The following TACC1 variants were observed in gnomAD, a reference collection of about 807,000 sequenced individuals.
TACC1 encodes transforming acidic coiled-coil-containing protein 1.
TACC1 carries 48 observed loss-of-function variants against 84.4 expected under a neutral mutation model. That is an observed-to-expected ratio of 0.57 (90% CI 0.45 to 0.72). The LOEUF (loss-of-function observed/expected upper bound fraction) is 0.72, where lower values mean the gene tolerates loss of function less well. Among genes scored for constraint, TACC1 ranks in the 30% least tolerant of loss-of-function variants. The pLI is 0.00. For missense variants in TACC1, 920 were observed against 973.0 expected, an observed-to-expected ratio of 0.95 and a Z score of 0.72; for synonymous variants, 372 against 376.3, an observed-to-expected ratio of 0.99 and a Z score of 0.13.
chr8:38,796,511 A>C (rs1225218875), intron 2 of TACC1, among the ~76,000 whole-genome samples: 2 of 152,278 alleles, frequency 1.3e-5, no homozygotes, highest in African/African-American at 4.8e-5. Context: ...AACTTGGCAC[A>C]TATTATTCTG....
chr8:38,802,952 A>G (rs866801373), intron 2 of TACC1, among the ~76,000 whole-genome samples: 16 of 152,204 alleles, frequency 1.1e-4, no homozygotes, highest in Middle Eastern at 3.2e-3. Context: ...AAATTTTAAC[A>G]TGAGATTTGC....
chr8:38,807,089 G>A lies in TACC1; in HGVS notation c.278-12433G>A, dbSNP rs547922332. ...TGGAAGAGCTGGGTGTAAGGAGTGT[G>A]CAGAGCTTCCATGCCCTCTCTGGGA... On this transcript the variant is annotated intron_variant, in intron 2 of 12. Transcript: ENST00000317827. Among the ~76,000 whole-genome samples the A allele has an allele frequency of 5.9e-5, 9 of 152,316 alleles. 1 individual carries two copies. The East Asian group carries it at 1.7e-3, about 29-fold the overall frequency.
intron 1 of TACC1, among the ~76,000 whole-genome samples, chr8:38,729,631 G>A (rs60211517): frequency 0.19 from 28,538 of 152,202 alleles, 3,863 homozygotes; most frequent in East Asian, 0.72. Flanking sequence ...CACTTTGGAA[G>A]GCCGAGGCGG....
intron 1 of TACC1, among the ~76,000 whole-genome samples, chr8:38,733,066 G>C (rs529149711): frequency 1.1e-4 from 17 of 152,192 alleles, no homozygotes; most frequent in Non-Finnish European, 2.2e-4. Context: ...GACTGTTCCA[G>C]GCAGCTCCAG....
chr8:38,819,829 G>A lies in TACC1; in HGVS notation c.585G>A (p.Ala195=), dbSNP rs758775355. Residue 195 remains alanine, a synonymous_variant, in exon 3 of 13, where the codon GCG becomes GCA. Transcript: ENST00000317827. ...SSPPDALQDE[A]MTEGSMGVTL... ...CGCCAGACGCCCTCCAGGACGAGGC[G>A]ATGACAGAAGGCAGCATGGGGGTCA... The A allele has an allele frequency of 1.9e-5, 30 of 1,613,798 alleles. No homozygotes were observed. Among genetic ancestry groups the A allele is most frequent in the Non-Finnish European group, 2.1e-5 (25 of 1,180,036 alleles).
chr8:38,787,868 C>A, intron 1 of TACC1, 125 bp downstream of exon 1: 2 of 972,158 alleles, frequency 2.1e-6, no homozygotes, highest in South Asian at 1.9e-5. Flanking sequence ...CGCGTCCCTG[C>A]CCGGAGCCGG....
rs141921048 is a variant in TACC1 at position 38,801,117 on chromosome 8, T to A, written c.277+12298T>A. The stretch of plus-strand genomic sequence containing the variant: ...TTAGGTTATTTATCTTTTTTATCAC[T>A]AAGTTATATATTCTAGATGCAAATT... On this transcript the variant is annotated intron_variant, in intron 2 of 12. Transcript: ENST00000317827. 7.5e-4 allele frequency among the ~76,000 whole-genome samples: 115 copies of A among 152,378 alleles called. 1 individual carries two copies. Among genetic ancestry groups the A allele is most frequent in the African/African-American group, 2.7e-3 (111 of 41,600 alleles).
intron 9 of TACC1, chr8:38,840,490 G>T: frequency 2.5e-6 from 1 of 398,614 alleles, no homozygotes; most frequent in East Asian, 4.2e-5. Context: ...CTTTTATAAG[G>T]ACACTAATCC....
At chr8:38,780,578 G>A (rs191092672) in intron 3 of TACC1, among the ~76,000 whole-genome samples, 75 of 150,580 alleles carry the variant, frequency 5.0e-4, no homozygotes, top group African/African-American at 1.7e-3. Flanking sequence ...GTGTCTCAAT[G>A]TCTTGTAGGA....
chr8:38,813,517 C>T (rs956923510), intron 2 of TACC1, among the ~76,000 whole-genome samples: 2 of 152,152 alleles, frequency 1.3e-5, no homozygotes, highest in African/African-American at 4.8e-5. Flanking sequence ...ATTGATGTTT[C>T]TGTTTATCTG....
At position 38,851,964 on chromosome 8, in the gene TACC1, A is replaced by G. The variant is rs549236121; in HGVS notation, c.*3941A>G. ...GGCCTCCAGATTCCAGTTATTTTTAAAAAGCAACTTACCACTAAATCCTTG... is the reference window on the plus strand; with the variant it reads ...GGCCTCCAGATTCCAGTTATTTTTAGAAAGCAACTTACCACTAAATCCTTG... On this transcript the variant is annotated 3_prime_UTR_variant, in exon 13 of 13. Coordinates refer to ENST00000317827, the MANE Select transcript of TACC1 (RefSeq NM_006283.3). 1 of 456,408 alleles carries G rather than the reference A, an allele frequency of 2.2e-6. No individual in the cohort carries two copies. Among genetic ancestry groups the G allele is most frequent in the East Asian group, 6.9e-5 (1 of 14,400 alleles). 28.3% of individuals were successfully genotyped at this position (456,408 alleles called of 1,614,324 possible). A position where few individuals can be genotyped will look rare whatever the true frequency, so the allele number is the denominator to read the frequency against.
intron 2 of TACC1, among the ~76,000 whole-genome samples, chr8:38,815,518 C>G (rs545970632): frequency 2.0e-5 from 3 of 152,216 alleles, no homozygotes; most frequent in South Asian, 4.2e-4. Context: ...CTCCCAGGTT[C>G]AAGCGATTCT....
chr8:38,783,102 C>A (rs200211397), upstream of TACC1, among the ~76,000 whole-genome samples: 2,036 of 96,666 alleles, frequency 0.021, 32 homozygotes, highest in African/African-American at 0.044. Context: ...ATCTATCTAT[C>A]TATCTATATA....
intron 1 of TACC1, among the ~76,000 whole-genome samples, chr8:38,735,773 C>A (rs533715879): frequency 6.6e-6 from 1 of 152,154 alleles, no homozygotes; most frequent in African/African-American, 2.4e-5. Context: ...GAGAGTGTTA[C>A]CTGCTGGGCT....
At chr8:38,782,482 T>C (rs1018977793), upstream of TACC1, among the ~76,000 whole-genome samples, 1 of 152,214 alleles carries the variant, frequency 6.6e-6, no homozygotes, top group Admixed American at 6.5e-5. Flanking sequence ...AATAAACATA[T>C]GTGTGCATGT....
intron 11 of TACC1, 65 bp downstream of exon 11, chr8:38,843,460 C>A: frequency 8.1e-7 from 1 of 1,235,800 alleles, no homozygotes; most frequent in Non-Finnish European, 1.1e-6. Context: ...GAGAGGAAAA[C>A]AAAATCACTG....
chr8:38,842,682 G>T (rs1349582254), intron 10 of TACC1, among the ~76,000 whole-genome samples: 1 of 152,200 alleles, frequency 6.6e-6, no homozygotes, highest in Non-Finnish European at 1.5e-5. Context: ...TTCCTCTCCT[G>T]TGTCAAGCCA....
intron 2 of TACC1, among the ~76,000 whole-genome samples, chr8:38,817,506 C>G (rs1287800004): frequency 2.0e-5 from 3 of 152,112 alleles, no homozygotes; most frequent in Admixed American, 1.3e-4. Context: ...AATGAAAACT[C>G]CCATATACCT....
At chr8:38,842,494 A>G (rs763610704) in intron 10 of TACC1, 47 bp downstream of exon 10, 8 of 1,543,560 alleles carry the variant, frequency 5.2e-6, no homozygotes, top group Non-Finnish European at 7.0e-6. Context: ...CCAGTAGTGT[A>G]TTTCCTTGGT....
Sources: allele counts gnomAD v4.1 joint callset (sites outside exome capture counted in the v4.1 genomes callset), GRCh38; gene constraint gnomAD v4.1.1; transcripts MANE v1.5; gene names NCBI Gene and HGNC (gene_info 2026-07-23, HGNC 2026-07-21).